CZIB: variants seen among roughly 807,000 people sequenced by gnomAD.
CZIB encodes the protein UPF0587 protein C1orf123.
A neutral mutation model predicts 28.3 loss-of-function variants in CZIB; 26 were observed. The observed-to-expected ratio is 0.92, with a 90% confidence interval of 0.67 to 1.27. CZIB has a LOEUF of 1.27. Among genes scored for constraint, CZIB ranks in the 50% most tolerant of loss-of-function variants. The pLI, the probability that CZIB is intolerant of heterozygous loss-of-function variation, is 0.00. For missense variants in CZIB, 179 were observed against 197.3 expected, an observed-to-expected ratio of 0.91 and a Z score of 0.56; for synonymous variants, 78 against 71.1, an observed-to-expected ratio of 1.10 and a Z score of -0.49.
chr1:53,219,192 G>C (rs1485671650), intron 2 of CZIB: 6 of 455,078 alleles, frequency 1.3e-5, no homozygotes, highest in Non-Finnish European at 1.6e-5. Context: ...GTGCAGAAAT[G>C]GTTTCAGCGG....
At chr1:53,214,815 G>GCCCA in intron 7 of CZIB, 79 bp from the exon 8 acceptor site, 1 of 1,147,746 alleles carries the variant, frequency 8.7e-7, no homozygotes, top group East Asian at 2.4e-5. Flanking sequence ...GACTTAAAAG[G>GCCCA]CCCAGCTCAG....
intron 2 of CZIB, chr1:53,219,964 A>G (rs1173699608): frequency 2.5e-6 from 1 of 399,116 alleles, no homozygotes; most frequent in Non-Finnish European, 4.5e-6. Flanking sequence ...AAGGCGAACT[A>G]TTCACCTTAT....
intron 3 of CZIB, 35 bp from the exon 4 acceptor site, chr1:53,218,530 T>C: frequency 6.3e-7 from 1 of 1,598,106 alleles, no homozygotes; most frequent in South Asian, 1.1e-5. Flanking sequence ...CAGTCACATA[T>C]GAATTAGATG....
intron 1 of CZIB, 46 bp from the exon 2 acceptor site, chr1:53,220,390 C>A: frequency 6.3e-7 from 1 of 1,596,856 alleles, no homozygotes; most frequent in Non-Finnish European, 8.5e-7. Flanking sequence ...GCCTGCGCAG[C>A]CCCACGCCTG....
chr1:53,217,029 T>C, intron 5 of CZIB, 170 bp from the exon 6 acceptor site: 1 of 595,012 alleles, frequency 1.7e-6, no homozygotes. Context: ...ACCTGCTCCC[T>C]ATGAAGCTTT....
chr1:53,214,819 A>G, intron 7 of CZIB, 83 bp from the exon 8 acceptor site: 1 of 1,118,676 alleles, frequency 8.9e-7, no homozygotes, highest in African/African-American at 1.5e-5. Flanking sequence ...TAAAAGGCCC[A>G]GCTCAGGCTC....
intron 3 of CZIB, 172 bp downstream of exon 3, chr1:53,218,695 C>G: frequency 1.3e-6 from 1 of 789,026 alleles, no homozygotes; most frequent in South Asian, 1.8e-5. Context: ...CCTCATACCT[C>G]AAAGATGCCT....
At chr1:53,218,320 A>C in intron 4 of CZIB, 94 bp downstream of exon 4, 1 of 1,579,090 alleles carries the variant, frequency 6.3e-7, no homozygotes. Flanking sequence ...CTTAGGCCTG[A>C]CTCCACCCTC....
Position 53,214,591 on chromosome 1 carries a change from G to C in CZIB, c.*68C>G, listed in dbSNP as rs1461873416. The stretch of plus-strand genomic sequence containing the variant: ...ACAAGGGTCAAAGGAACGAGCCTCT[G>C]TGGGCTCTGCTGCTTAGAGTACTTT... On this transcript the variant is annotated 3_prime_UTR_variant, in exon 8 of 8. Coordinates refer to ENST00000294360, the MANE Select transcript of CZIB (RefSeq NM_017887.3). The C allele has an allele frequency of 7.2e-6, 10 of 1,395,688 alleles. No individual in the cohort carries two copies. Among genetic ancestry groups the C allele is most frequent in the Non-Finnish European group, 1.0e-5 (10 of 988,052 alleles). 86.5% of individuals were successfully genotyped at this position (1,395,688 alleles called of 1,614,324 possible).
At chr1:53,214,969 T>C (rs973146836) in intron 7 of CZIB, among the ~76,000 whole-genome samples, 2 of 151,810 alleles carry the variant, frequency 1.3e-5, no homozygotes, top group African/African-American at 4.8e-5. Flanking sequence ...GTCTTCTATT[T>C]AAAAAAAACA....
rs1248680167 is a variant in CZIB, at chr1:53,214,498, A to G, written c.*161T>C. 1 of 607,870 alleles carries G rather than the reference A, an allele frequency of 1.6e-6. No homozygotes were observed. Among genetic ancestry groups the G allele is most frequent in the Non-Finnish European group, 2.9e-6 (1 of 344,062 alleles). The allele number at this position is 607,870 out of a possible 1,614,324, so 37.7% of individuals were successfully genotyped here. A position where few individuals can be genotyped will look rare whatever the true frequency, so the allele number is the denominator to read the frequency against. Reference sequence around the variant, plus strand: ...TGCAGCGTGAACAGGGGCTTTATTGATGGGGCTTGGGAAGCTGTAATAAAG... The same window carrying G: ...TGCAGCGTGAACAGGGGCTTTATTGGTGGGGCTTGGGAAGCTGTAATAAAG... On this transcript the variant is annotated 3_prime_UTR_variant, in exon 8 of 8. Transcript: ENST00000294360.
At chr1:53,215,836 C>T (rs1036249630) in intron 7 of CZIB, among the ~76,000 whole-genome samples, 155 bp downstream of exon 7, 1 of 152,202 alleles carries the variant, frequency 6.6e-6, no homozygotes, top group Non-Finnish European at 1.5e-5. Flanking sequence ...TTAGAAAGCA[C>T]TTTAGCACTA....
rs188268218 is a variant in CZIB at position 53,214,537 on chromosome 1, T to A, written c.*122A>T. ...GCTGTAATAAAGTCCAGCATGCAGA[T>A]TGTGAAGGTTTCGTATAGCCACCAG... is the stretch of plus-strand genomic sequence containing the variant. On this transcript the variant is annotated 3_prime_UTR_variant, in exon 8 of 8. Coordinates refer to ENST00000294360, the MANE Select transcript of CZIB (RefSeq NM_017887.3). 5.3e-6 allele frequency: 4 copies of A among 751,864 alleles called. No homozygotes were observed. Among genetic ancestry groups the A allele is most frequent in the Non-Finnish European group, 8.9e-6 (4 of 449,200 alleles). 46.6% of individuals were successfully genotyped at this position (751,864 alleles called of 1,614,324 possible).
At chr1:53,219,295 G>C (rs1645502625) in intron 2 of CZIB, 1 of 265,908 alleles carries the variant, frequency 3.8e-6, no homozygotes, top group African/African-American at 2.2e-5. Flanking sequence ...TAGCACTGTA[G>C]GATGACTATA....
At chr1:53,219,308 T>C in intron 2 of CZIB, 1 of 243,432 alleles carries the variant, frequency 4.1e-6, no homozygotes, top group Non-Finnish European at 8.1e-6. Flanking sequence ...TGACTATAGC[T>C]GACAATAATA....
chr1:53,217,160 G>C (rs994192804), intron 5 of CZIB: 3 of 312,678 alleles, frequency 9.6e-6, no homozygotes, highest in African/African-American at 2.1e-5. Flanking sequence ...CTGTCAAATA[G>C]AGCCGAGGAA....
At chr1:53,215,866 A>G in intron 7 of CZIB, 125 bp downstream of exon 7, 1 of 955,682 alleles carries the variant, frequency 1.0e-6, no homozygotes, top group Non-Finnish European at 1.6e-6. Flanking sequence ...CCATTTCAAC[A>G]GCAAAATCAC....
rs141056335 is a variant in CZIB at position 53,218,456 on chromosome 1, T to A, written c.187A>T (p.Met63Leu). The A allele has an allele frequency of 6.2e-7, 1 of 1,614,046 alleles. No homozygotes were observed. Among genetic ancestry groups the A allele is most frequent in the East Asian group, 2.2e-5 (1 of 44,892 alleles). Reference protein sequence around the residue: ...ALKGGRGSASMVQKCKLCARE... With the variant: ...ALKGGRGSASLVQKCKLCARE... ...GCACACAGCTTGCACTTCTGGACCA[T>A]GGAAGCACTGCCACGGCCCCCCTTC... is the stretch of plus-strand genomic sequence containing the variant. Residue 63 changes from methionine (M) to leucine (L), a missense_variant, in exon 4 of 8, where the codon ATG becomes TTG. Coordinates refer to ENST00000294360, the MANE Select transcript of CZIB (RefSeq NM_017887.3).
In CZIB at chr1:53,214,112, G is replaced by A. The variant is rs574256743; in HGVS notation, c.*547C>T. On this transcript the variant is annotated 3_prime_UTR_variant, in exon 8 of 8. Transcript: ENST00000294360. ...GATAACAAGAGATTTAAGTTTTAAG[G>A]GCATTTAATCAGGAGGAAAGGTTTG... The A allele has an allele frequency of 3.6e-5, 6 of 165,050 alleles. No homozygotes were observed. The highest frequency in any genetic ancestry group is 6.7e-5 in the Non-Finnish European group (5 of 75,118). The allele number at this position is 165,050 out of a possible 1,614,324, so 10.2% of individuals were successfully genotyped here.
Sources: allele counts gnomAD v4.1 joint callset (sites outside exome capture counted in the v4.1 genomes callset), GRCh38; gene constraint gnomAD v4.1.1; transcripts MANE v1.5; gene names NCBI Gene and HGNC (gene_info 2026-07-23, HGNC 2026-07-21).